The following DENND1A variants were observed in gnomAD, a reference collection of about 807,000 sequenced individuals.
DENND1A encodes DENN domain-containing protein 1A.
A neutral mutation model predicts 113.7 loss-of-function variants in DENND1A; 51 were observed. That is an observed-to-expected ratio of 0.45 (90% CI 0.36 to 0.57). DENND1A has a LOEUF of 0.57. Ranked by LOEUF, DENND1A falls within the 20% of genes least tolerant of loss-of-function variation. The pLI is 0.00. For synonymous variants in DENND1A, 565 were observed against 570.8 expected, an observed-to-expected ratio of 0.99 and a Z score of 0.14; for missense variants, 1,258 against 1,395.9, an observed-to-expected ratio of 0.90 and a Z score of 1.57.
intron 11 of DENND1A, among the ~76,000 whole-genome samples, chr9:123,603,629 C>A (rs969692823): frequency 2.0e-5 from 3 of 152,192 alleles, no homozygotes; most frequent in African/African-American, 7.2e-5. Flanking sequence ...CTGGGGGCCC[C>A]CCAACTGGTC....
intron 19 of DENND1A, among the ~76,000 whole-genome samples, chr9:123,425,630 T>G (rs1304720527): frequency 2.0e-5 from 3 of 152,182 alleles, no homozygotes; most frequent in African/African-American, 7.2e-5. Flanking sequence ...CAAACTCTCA[T>G]GGGCAGCTCG....
At chr9:123,714,730 T>C (rs903855834) in intron 5 of DENND1A, among the ~76,000 whole-genome samples, 2 of 152,170 alleles carry the variant, frequency 1.3e-5, no homozygotes, top group African/African-American at 4.8e-5. Flanking sequence ...TGATCATAAC[T>C]ATAAAACAAT....
At chr9:123,619,818 A>T (rs1243394329) in intron 10 of DENND1A, among the ~76,000 whole-genome samples, 1 of 152,166 alleles carries the variant, frequency 6.6e-6, no homozygotes, top group Non-Finnish European at 1.5e-5. Context: ...TTTCCTATAG[A>T]GTCTTCAGTA....
rs777273959 is a variant in DENND1A, at chr9:123,808,384, C to CT, written c.89-15755dup. 8.3e-3 allele frequency among the ~76,000 whole-genome samples: 1,135 copies of CT among 136,688 alleles called. 4 individuals are homozygous for CT. Among genetic ancestry groups the CT allele is most frequent in the African/African-American group, 0.014 (530 of 37,316 alleles). The allele number at this position is 136,688 out of a possible 152,430, so 89.7% of individuals were successfully genotyped here. A position where few individuals can be genotyped will look rare whatever the true frequency, so the allele number is the denominator to read the frequency against. ...GTCTAAAATAGTATCCAATAATTTG[C>CT]TTTTTTTTTTTTTTTTAAGACAGTC... On this transcript the variant is annotated intron_variant, in intron 2 of 23. Transcript: ENST00000394215.
chr9:123,556,093 G>A (rs1373947962), intron 13 of DENND1A, among the ~76,000 whole-genome samples: 2 of 152,202 alleles, frequency 1.3e-5, no homozygotes, highest in African/African-American at 4.8e-5. Flanking sequence ...GTCACTTTGA[G>A]ACTAGCAGGA....
At chr9:123,828,145 G>C (rs1310410132) in intron 2 of DENND1A, among the ~76,000 whole-genome samples, 1 of 151,940 alleles carries the variant, frequency 6.6e-6, no homozygotes, top group Non-Finnish European at 1.5e-5. Flanking sequence ...AGAAAGACGT[G>C]GAAGGGAGAG....
chr9:123,906,667 G>A (rs1441748318), intron 1 of DENND1A, among the ~76,000 whole-genome samples: 3 of 60,466 alleles, frequency 5.0e-5, no homozygotes, highest in Non-Finnish European at 9.1e-5. Context: ...GGAAGAAGTT[G>A]AATCTCTGAA....
At chr9:123,817,398 T>A (rs1397776149) in intron 2 of DENND1A, among the ~76,000 whole-genome samples, 1 of 152,228 alleles carries the variant, frequency 6.6e-6, no homozygotes, top group Non-Finnish European at 1.5e-5. Flanking sequence ...CACTTTTATC[T>A]GAACACTTAA....
intron 5 of DENND1A, among the ~76,000 whole-genome samples, chr9:123,677,525 C>T (rs1372365804): frequency 6.6e-6 from 1 of 152,176 alleles, no homozygotes; most frequent in Non-Finnish European, 1.5e-5. Context: ...CCCCTGCCTC[C>T]CTGGTTCAAG....
intron 8 of DENND1A, among the ~76,000 whole-genome samples, chr9:123,663,108 T>C (rs976058661): frequency 3.9e-5 from 6 of 152,238 alleles, no homozygotes; most frequent in African/African-American, 1.4e-4. Flanking sequence ...AAGCCATTAA[T>C]ATGCATTACT....
At chr9:123,902,877 T>G (rs1332108330) in intron 1 of DENND1A, among the ~76,000 whole-genome samples, 1 of 150,650 alleles carries the variant, frequency 6.6e-6, no homozygotes, top group Non-Finnish European at 1.5e-5. Context: ...AAAAAAATTG[T>G]AGCCAAAATC....
At chr9:123,793,332 A>C (rs1177951490) in intron 2 of DENND1A, among the ~76,000 whole-genome samples, 1 of 152,186 alleles carries the variant, frequency 6.6e-6, no homozygotes, top group Non-Finnish European at 1.5e-5. Context: ...GGATCACTTT[A>C]TTCTTAAATC....
At chr9:123,548,064 G>A (rs1156918148) in intron 13 of DENND1A, among the ~76,000 whole-genome samples, 1 of 152,152 alleles carries the variant, frequency 6.6e-6, no homozygotes, top group Non-Finnish European at 1.5e-5. Context: ...TCTAGTAGAT[G>A]ACAGAACTAG....
chr9:123,680,444 C>G (rs1429447650), intron 5 of DENND1A, among the ~76,000 whole-genome samples: 1 of 152,258 alleles, frequency 6.6e-6, no homozygotes, highest in Admixed American at 6.5e-5. Flanking sequence ...GCAGCAACAG[C>G]CCATAGTCAA....
At chr9:123,806,645 G>A (rs1835627805) in intron 2 of DENND1A, among the ~76,000 whole-genome samples, 1 of 152,178 alleles carries the variant, frequency 6.6e-6, no homozygotes, top group Non-Finnish European at 1.5e-5. Context: ...GGATTTTGGA[G>A]CATTTTGGAT....
At chr9:123,918,483 G>A (rs1318157546) in intron 1 of DENND1A, among the ~76,000 whole-genome samples, 5 of 107,844 alleles carry the variant, frequency 4.6e-5, no homozygotes, top group South Asian at 7.4e-4. Context: ...GGGAGACTCC[G>A]TCTCAGAAAA....
intron 13 of DENND1A, among the ~76,000 whole-genome samples, chr9:123,548,298 C>T (rs1261557318): frequency 1.3e-5 from 2 of 152,186 alleles, no homozygotes; most frequent in East Asian, 3.8e-4. Flanking sequence ...TCTGCAGTCC[C>T]CTTTACACTC....
At chr9:123,528,119 A>G (rs997054115) in intron 13 of DENND1A, among the ~76,000 whole-genome samples, 1 of 152,240 alleles carries the variant, frequency 6.6e-6, no homozygotes, top group Admixed American at 6.5e-5. Flanking sequence ...GACACACATG[A>G]CCAGCACTCC....
chr9:123,640,745 C>T (rs550087895), intron 9 of DENND1A, among the ~76,000 whole-genome samples: 36 of 152,226 alleles, frequency 2.4e-4, no homozygotes, highest in Non-Finnish European at 4.7e-4. Context: ...TTTTAACCAC[C>T]TTGAGGTAGG....
Sources: gnomAD v4.1 joint callset for allele counts (sites outside exome capture counted in the v4.1 genomes callset) on GRCh38, gnomAD v4.1.1 for gene constraint, MANE v1.5 for transcripts, NCBI Gene and HGNC (gene_info 2026-07-23, HGNC 2026-07-21) for gene names.